GRIN3A: variants seen among roughly 807,000 people sequenced by gnomAD.
GRIN3A encodes the protein glutamate receptor ionotropic, NMDA 3A.
In GRIN3A, 47 loss-of-function variants were observed where a neutral mutation model predicts 92.4. The ratio of observed to expected loss-of-function variants is 0.51; its 90% CI spans 0.40 to 0.65. GRIN3A has a LOEUF of 0.65. GRIN3A is among the 30% of genes least tolerant of loss of function. The probability of loss-of-function intolerance (pLI) is 0.00; values close to 1 mark genes in which losing one functional copy is unlikely to be tolerated. For synonymous variants in GRIN3A, 527 were observed against 540.6 expected (o/e 0.97, Z 0.35); for missense variants, 1,324 against 1,393.1 (o/e 0.95, Z 0.79).
intron 3 of GRIN3A, among the ~76,000 whole-genome samples, chr9:101,640,039 G>A (rs1280104133): frequency 6.6e-6 from 1 of 152,130 alleles, no homozygotes; most frequent in Non-Finnish European, 1.5e-5. Flanking sequence ...CCATTATTAT[G>A]GAGGAACCCT....
chr9:101,718,020 A>C (rs1369305605), intron 1 of GRIN3A, among the ~76,000 whole-genome samples: 1 of 152,218 alleles, frequency 6.6e-6, no homozygotes, highest in African/African-American at 2.4e-5. Context: ...ACCCTCTTTC[A>C]CAGGGCCTTG....
At chr9:101,597,920 A>G (rs1828160423) in intron 6 of GRIN3A, among the ~76,000 whole-genome samples, 1 of 152,194 alleles carries the variant, frequency 6.6e-6, no homozygotes. Context: ...TCTGACATAT[A>G]CTATAGAACA....
In GRIN3A at chr9:101,687,206, T is replaced by A; in HGVS notation, c.700-6A>T. ...AGTTGTAGGTGAAGGGGATTCTGTATTTAAAGATATGAAAAAGAAGAATTA... is the reference window on the plus strand; with the variant it reads ...AGTTGTAGGTGAAGGGGATTCTGTAATTAAAGATATGAAAAAGAAGAATTA... On this transcript the variant is annotated splice_polypyrimidine_tract_variant and splice_region_variant and intron_variant, in intron 1 of 8. Transcript: ENST00000361820. 1 of 1,613,746 alleles carries A rather than the reference T, an allele frequency of 6.2e-7. No individual in the cohort carries two copies. Among genetic ancestry groups the A allele is most frequent in the Non-Finnish European group, 8.5e-7 (1 of 1,179,746 alleles).
At chr9:101,669,911 C>T in intron 3 of GRIN3A, 149 bp downstream of exon 3, 2 of 624,124 alleles carry the variant, frequency 3.2e-6, no homozygotes, top group Non-Finnish European at 5.5e-6. Flanking sequence ...TTAGTTAAAC[C>T]AGGCAACAGA....
In GRIN3A at chr9:101,584,380, G is replaced by T. The variant is rs551851069; in HGVS notation, c.2767-5020C>A. ...TACATTAGTATATATTTACTACACT[G>T]TGAAGAAAAAACATAGTTTGTATCT... On this transcript the variant is annotated intron_variant, in intron 6 of 8. Coordinates refer to ENST00000361820, the MANE Select transcript of GRIN3A (RefSeq NM_133445.3). Among the ~76,000 whole-genome samples the T allele has an allele frequency of 2.0e-5, 3 of 152,266 alleles. No homozygotes were observed. The East Asian group carries it at 5.8e-4, about 29-fold the overall frequency.
At chr9:101,685,262 A>G (rs1045608795) in intron 2 of GRIN3A, among the ~76,000 whole-genome samples, 5 of 151,592 alleles carry the variant, frequency 3.3e-5, no homozygotes, top group African/African-American at 1.2e-4. Flanking sequence ...ATATATATGT[A>G]AAATTAAATG....
intron 4 of GRIN3A, among the ~76,000 whole-genome samples, chr9:101,625,342 G>T (rs770136803): frequency 1.3e-5 from 2 of 152,114 alleles, no homozygotes; most frequent in Non-Finnish European, 2.9e-5. Context: ...ATTTAACACA[G>T]TGTGGCTTCT....
chr9:101,573,425 C>G lies in GRIN3A; in HGVS notation c.3097G>C (p.Glu1033Gln). ...NRRKYIFSDE[E>Q]GQNQLGIRIH... ...CGGATGCCCAGCTGGTTTTGTCCTT[C>G]CTCATCACTAAAGATGTATTTCCGT... Residue 1033 changes from glutamate (E) to glutamine (Q), a missense_variant, in exon 9 of 9, where the codon GAA becomes CAA. Coordinates refer to ENST00000361820, the MANE Select transcript of GRIN3A (RefSeq NM_133445.3). 1 of 1,614,024 alleles carries G rather than the reference C, an allele frequency of 6.2e-7. No homozygotes were observed. Among genetic ancestry groups the G allele is most frequent in the Non-Finnish European group, 8.5e-7 (1 of 1,179,964 alleles).
At chr9:101,689,656 G>A (rs1829587343) in intron 1 of GRIN3A, among the ~76,000 whole-genome samples, 1 of 151,904 alleles carries the variant, frequency 6.6e-6, no homozygotes, top group Admixed American at 6.6e-5. Context: ...TGATTTAGCA[G>A]CCTCAGATGC....
intron 2 of GRIN3A, among the ~76,000 whole-genome samples, chr9:101,681,808 T>C (rs1363182282): frequency 2.8e-4 from 1 of 3,604 alleles, no homozygotes; most frequent in African/African-American, 9.2e-4. Context: ...CCCACTAATG[T>C]GTCATCTAGC....
In GRIN3A at chr9:101,686,714, C is replaced by T. The variant is rs1829540669; in HGVS notation, c.1186G>A (p.Val396Ile). ...GTGGCTGTGGCTACAGCTCTTGCGA[C>T]CAGCTCCATAGCATCTTGTACGTAG... is the stretch of plus-strand genomic sequence containing the variant. ...EHYVQDAMEL[V>I]ARAVATATMI... The change falls in exon 2 of 9, where the codon GTC becomes ATC. Residue 396 changes from valine (V) to isoleucine (I), a missense_variant. By Grantham distance (29) the Val-to-Ile change is conservative. Coordinates refer to ENST00000361820, the MANE Select transcript of GRIN3A (RefSeq NM_133445.3). 1.2e-6 allele frequency: 2 copies of T among 1,614,168 alleles called. No homozygotes were observed. The highest frequency in any genetic ancestry group is 1.7e-6 in the Non-Finnish European group (2 of 1,180,032).
intron 4 of GRIN3A, among the ~76,000 whole-genome samples, chr9:101,626,823 C>T (rs868064635): frequency 6.6e-6 from 1 of 152,222 alleles, no homozygotes; most frequent in African/African-American, 2.4e-5. Context: ...CTAGTCCTGA[C>T]TCTGCCACTT....
chr9:101,674,238 A>G (rs1829364213), intron 2 of GRIN3A, among the ~76,000 whole-genome samples: 1 of 152,092 alleles, frequency 6.6e-6, no homozygotes, highest in Non-Finnish European at 1.5e-5. Context: ...GGGAGTCATG[A>G]TCATTCGATT....
chr9:101,688,161 A>G (rs570009299), intron 1 of GRIN3A, among the ~76,000 whole-genome samples: 6 of 152,232 alleles, frequency 3.9e-5, no homozygotes, highest in African/African-American at 1.4e-4. Flanking sequence ...AATAATATGC[A>G]TTAAGAAATG....
At chr9:101,585,837 C>T (rs893692471) in intron 6 of GRIN3A, among the ~76,000 whole-genome samples, 10 of 152,196 alleles carry the variant, frequency 6.6e-5, no homozygotes, top group Non-Finnish European at 1.5e-4. Flanking sequence ...CTCCTGTGCT[C>T]AATGCCTGGT....
chr9:101,701,947 C>G (rs1829760466), intron 1 of GRIN3A, among the ~76,000 whole-genome samples: 1 of 119,384 alleles, frequency 8.4e-6, no homozygotes, highest in Non-Finnish European at 1.7e-5. Context: ...CCTCCTTCAG[C>G]TTCTATTCCA....
intron 2 of GRIN3A, among the ~76,000 whole-genome samples, chr9:101,684,705 T>C (rs1251412591): frequency 6.6e-6 from 1 of 152,156 alleles, no homozygotes; most frequent in Non-Finnish European, 1.5e-5. Context: ...ACAACTTAAG[T>C]CAACAAATAT....
intron 3 of GRIN3A, among the ~76,000 whole-genome samples, chr9:101,651,110 G>A (rs1829010244): frequency 6.6e-6 from 1 of 151,826 alleles, no homozygotes; most frequent in Non-Finnish European, 1.5e-5. Flanking sequence ...TATATTAATT[G>A]ATATAAAAAT....
chr9:101,623,291 A>G (rs1369473903), intron 5 of GRIN3A, 27 bp downstream of exon 5: 1 of 1,480,908 alleles, frequency 6.8e-7, no homozygotes, highest in South Asian at 1.1e-5. Flanking sequence ...CCTGAGTAAA[A>G]GTGAATCAAG....
Sources: allele counts gnomAD v4.1 joint callset (sites outside exome capture counted in the v4.1 genomes callset), GRCh38; gene constraint gnomAD v4.1.1; transcripts MANE v1.5; gene names NCBI Gene and HGNC (gene_info 2026-07-23, HGNC 2026-07-21).